LRP1: variants seen among roughly 807,000 people sequenced by gnomAD.
The protein encoded by LRP1 is prolow-density lipoprotein receptor-related protein 1.
Under a neutral mutation model 541.5 loss-of-function variants are expected in LRP1, and 51 were observed. That is an observed-to-expected ratio of 0.09 (90% CI 0.08 to 0.12). The LOEUF is 0.12. LRP1 is among the 10% of genes least tolerant of loss of function. The probability of loss-of-function intolerance (pLI) is 1.00; values close to 1 mark genes in which losing one functional copy is unlikely to be tolerated. For missense variants in LRP1, 3,878 were observed against 6,376.2 expected (o/e 0.61, Z 13.34); for synonymous variants, 2,219 against 2,470.8 (o/e 0.90, Z 3.02).
intron 1 of LRP1, 141 bp downstream of exon 1, chr12:57,129,172 C>G: frequency 1.1e-6 from 1 of 907,358 alleles, no homozygotes; most frequent in Non-Finnish European, 1.7e-6. Flanking sequence ...AGCGGCCCGA[C>G]TGGGGGCGGG....
At position 57,210,334 on chromosome 12, in the gene LRP1, A is replaced by G; in HGVS notation, c.12608A>G (p.Gln4203Arg). 1 of 1,579,454 alleles carries G rather than the reference A, an allele frequency of 6.3e-7. No homozygotes were observed. The highest frequency in any genetic ancestry group is 1.2e-5 in the South Asian group (1 of 84,938). The part of the protein sequence containing the change: ...DAPRPGTCNL[Q>R]CFNGGSCFLN... ...CCCCGGCCTGGAACCTGTAACCTGC[A>G]GTGCTTCAACGGTGGCAGCTGTTTC... is the stretch of plus-strand genomic sequence containing the variant. The change falls in exon 82 of 89, where the codon CAG becomes CGG. Residue 4203 changes from glutamine (Q) to arginine (R), a missense_variant. Physicochemically the swap from Gln to Arg is conservative, Grantham distance 43. Around this residue, in one of 13 missense-constraint regions of LRP1, gnomAD observed 871 missense variants for 1,212.4 expected, o/e 0.72. Coordinates refer to ENST00000243077, the MANE Select transcript of LRP1 (RefSeq NM_002332.3).
intron 1 of LRP1, among the ~76,000 whole-genome samples, chr12:57,132,872 C>T (rs773473752): frequency 2.0e-5 from 3 of 152,166 alleles, no homozygotes; most frequent in Non-Finnish European, 4.4e-5. Flanking sequence ...TGGCTCCCTC[C>T]CCTCTGTTTT....
At position 57,184,985 on chromosome 12, in the gene LRP1, T is replaced by C. The variant is rs2036240010; in HGVS notation, c.6333T>C (p.Ser2111=). The change falls in exon 39 of 89, where the codon AGT becomes AGC. Residue 2111 remains serine (S), a synonymous_variant. Coordinates refer to ENST00000243077, the MANE Select transcript of LRP1 (RefSeq NM_002332.3). The surrounding 1 kb of genome is among the most constrained non-coding windows in gnomAD (Gnocchi z 7.8). The part of the protein sequence containing the change: ...VSVFEDFIYW[S]DRTHANGSIK... The stretch of plus-strand genomic sequence containing the variant: ...TGTTTGAGGATTTCATCTACTGGAG[T>C]GACAGGTGAGGGCTTCTGTCCTGGC... 1.2e-6 allele frequency: 2 copies of C among 1,613,868 alleles called. No individual in the cohort carries two copies. The highest frequency in any genetic ancestry group is 2.7e-5 in the African/African-American group (2 of 74,866).
At chr12:57,134,295 CCTT>C (rs763984429) in intron 1 of LRP1, among the ~76,000 whole-genome samples, 4 of 152,148 alleles carry the variant, frequency 2.6e-5, no homozygotes, top group Admixed American at 6.5e-5. Context: ...CCTGTCTTCC[CCTT>C]CTTCTGTCCC....
In LRP1 at chr12:57,162,132, G is replaced by A. The variant is rs748823969; in HGVS notation, c.2203-185G>A. Among the ~76,000 whole-genome samples the A allele has an allele frequency of 6.6e-5, 10 of 152,184 alleles. No individual in the cohort carries two copies. Among genetic ancestry groups the A allele is most frequent in the African/African-American group, 9.6e-5 (4 of 41,522 alleles). On this transcript the variant is annotated intron_variant, in intron 13 of 88. Coordinates refer to ENST00000243077, the MANE Select transcript of LRP1 (RefSeq NM_002332.3). This position sits in a 1 kb window ranked among gnomAD's most constrained non-coding sequence, Gnocchi z 5.2. Reference sequence around the variant, plus strand: ...TCCTTGCTGGATCACTCGATCACCCGCTGGCTTCAGGATCTACCATCCCAC... The same window carrying A: ...TCCTTGCTGGATCACTCGATCACCCACTGGCTTCAGGATCTACCATCCCAC...
intron 55 of LRP1, among the ~76,000 whole-genome samples, chr12:57,196,627 A>G (rs1225365388): frequency 2.0e-5 from 3 of 152,150 alleles, no homozygotes; most frequent in Admixed American, 6.5e-5. Flanking sequence ...CCAAGGGAGC[A>G]GTGTAGGTGG....
At chr12:57,153,082 C>T (rs1358458118) in intron 6 of LRP1, among the ~76,000 whole-genome samples, 1 of 152,138 alleles carries the variant, frequency 6.6e-6, no homozygotes. Context: ...GCAGGTAGCC[C>T]AAAGATTTCT....
At position 57,195,726 on chromosome 12, in the gene LRP1, G is replaced by A. The variant is rs775472565; in HGVS notation, c.8506G>A (p.Val2836Met). 3.0e-5 allele frequency: 48 copies of A among 1,614,076 alleles called. No individual in the cohort carries two copies. The East Asian group carries it at 8.9e-4, about 30-fold the overall frequency. The stretch of plus-strand genomic sequence containing the variant: ...CCGCCAGTGCATCCCCAAGCACTTC[G>A]TGTGTGACCACGACCGTGACTGTGC... ...QNRQCIPKHF[V>M]CDHDRDCADG... The change falls in exon 53 of 89, where the codon GTG becomes ATG. Residue 2836 changes from valine (V) to methionine (M), a missense_variant. Val to Met is a conservative substitution (Grantham distance 21, BLOSUM62 1). Around this residue, in one of 13 missense-constraint regions of LRP1, gnomAD observed 1,100 missense variants for 1,827.4 expected, o/e 0.60. Transcript: ENST00000243077.
chr12:57,144,315 T>C (rs760954287), intron 4 of LRP1, among the ~76,000 whole-genome samples: 1 of 152,054 alleles, frequency 6.6e-6, no homozygotes, highest in Non-Finnish European at 1.5e-5. Flanking sequence ...TTTTTCTGTG[T>C]TAATATGTAA....
In LRP1 at chr12:57,194,572, C is replaced by T. The variant is rs1439660035; in HGVS notation, c.8069-5C>T. ...CAGGGCCCTCACACCTGCCTCGCCC[C>T]CCAGGTGTGAAACGCCCCAGATGCC... On this transcript the variant is annotated splice_polypyrimidine_tract_variant and splice_region_variant and intron_variant, in intron 49 of 88. Coordinates refer to ENST00000243077, the MANE Select transcript of LRP1 (RefSeq NM_002332.3). 2.5e-6 allele frequency: 4 copies of T among 1,612,650 alleles called. No homozygotes were observed. The highest frequency in any genetic ancestry group is 3.4e-6 in the Non-Finnish European group (4 of 1,179,874).
At chr12:57,141,588 C>A (rs200552457) in intron 3 of LRP1, 77 bp downstream of exon 3, 1 of 1,566,746 alleles carries the variant, frequency 6.4e-7, no homozygotes, top group Non-Finnish European at 8.7e-7. Flanking sequence ...ACTGTCCTGG[C>A]ACCTTCAGTG....
intron 3 of LRP1, among the ~76,000 whole-genome samples, chr12:57,142,828 A>G (rs2035322234): frequency 6.6e-6 from 1 of 152,106 alleles, no homozygotes; most frequent in Admixed American, 6.5e-5. Context: ...GGGGAGGAGA[A>G]AGAATCGCTG....
Position 57,205,427 on chromosome 12 carries a change from G to A in LRP1, c.11412G>A (p.Ala3804=), listed in dbSNP as rs541127618. 193 of 1,610,110 alleles carry A rather than the reference G, an allele frequency of 1.2e-4. 2 individuals carry two copies. In the South Asian group the frequency reaches 1.2e-3, roughly 10 times the overall value. ...CACGCTGCGTGCGCACCGAGAAAGC[G>A]GCCTACTGTGCCTGCCGCTCGGGCT... ...DEARCVRTEK[A]AYCACRSGFH... is the part of the protein sequence containing the mutation. Residue 3804 remains alanine (A), a synonymous_variant, in exon 74 of 89, where the codon GCG becomes GCA. Transcript: ENST00000243077. The surrounding 1 kb of genome is among the most constrained non-coding windows in gnomAD (Gnocchi z 4.6).
intron 11 of LRP1, among the ~76,000 whole-genome samples, chr12:57,159,592 C>T (rs906124043): frequency 6.6e-6 from 1 of 152,178 alleles, no homozygotes; most frequent in Non-Finnish European, 1.5e-5. Flanking sequence ...CCATCTGCCA[C>T]GTGTGGTTTT....
Position 57,156,574 on chromosome 12 carries a change from C to G in LRP1, c.1418-203C>G, listed in dbSNP as rs1250274451. ...GCAACCCTGGAACTCTCTTCCCTGACTACTGAAGCCCCCACTCCAAGAGTT... is the reference window on the plus strand; with the variant it reads ...GCAACCCTGGAACTCTCTTCCCTGAGTACTGAAGCCCCCACTCCAAGAGTT... On this transcript the variant is annotated intron_variant, in intron 9 of 88. Coordinates refer to ENST00000243077, the MANE Select transcript of LRP1 (RefSeq NM_002332.3). This position sits in a 1 kb window ranked among gnomAD's most constrained non-coding sequence, Gnocchi z 5.2. Among the ~76,000 whole-genome samples the G allele has an allele frequency of 6.6e-6, 1 of 152,254 alleles. No individual in the cohort carries two copies. Among genetic ancestry groups the G allele is most frequent in the African/African-American group, 2.4e-5 (1 of 41,468 alleles).
Position 57,178,009 on chromosome 12 carries a change from C to T in LRP1, c.4362-350C>T, listed in dbSNP as rs1224121490. Among the ~76,000 whole-genome samples the T allele has an allele frequency of 3.4e-5, 5 of 146,380 alleles. No individual in the cohort carries two copies. The highest frequency in any genetic ancestry group is 6.9e-5 in the Admixed American group (1 of 14,418). Reference sequence around the variant, plus strand: ...CGTCGCCCAGGCTGGAGTGCAGTGGCGCGATCTCGGCTCACTGCAGGCTCC... The same window carrying T: ...CGTCGCCCAGGCTGGAGTGCAGTGGTGCGATCTCGGCTCACTGCAGGCTCC... On this transcript the variant is annotated intron_variant, in intron 26 of 88. Transcript: ENST00000243077. The surrounding 1 kb of genome is among the most constrained non-coding windows in gnomAD (Gnocchi z 5.8).
chr12:57,182,531 AAAAG>A (rs1025857040), intron 34 of LRP1, among the ~76,000 whole-genome samples: 5 of 151,436 alleles, frequency 3.3e-5, no homozygotes, highest in African/African-American at 9.7e-5. Context: ...AAAAAAAAAA[AAAAG>A]AGCCAGGTGC....
At chr12:57,175,365 C>G (rs1421453717) in intron 22 of LRP1, 95 bp from the exon 23 acceptor site, 1 of 1,481,128 alleles carries the variant, frequency 6.8e-7, no homozygotes, top group Non-Finnish European at 9.3e-7. Flanking sequence ...AGGACTTGGT[C>G]CAGGCTGCCC....
rs2035372844 is a variant in LRP1 at position 57,144,999 on chromosome 12, C to T, written c.476C>T (p.Thr159Ile). 2.5e-6 allele frequency: 4 copies of T among 1,614,144 alleles called. No homozygotes were observed. The East Asian group carries it at 8.9e-5, about 36-fold the overall frequency. ...TTTGATGAGTGCTCAGTGTACGGCA[C>T]CTGCAGCCAGCTATGCACCAACACA... is the stretch of plus-strand genomic sequence containing the variant. The part of the protein sequence containing the change: ...KDFDECSVYG[T>I]CSQLCTNTDG... Residue 159 changes from threonine (T) to isoleucine (I), a missense_variant, in exon 5 of 89, where the codon ACC (threonine) becomes ATC (isoleucine). Physicochemically the swap from Thr to Ile is moderately conservative, Grantham distance 89. Coordinates refer to ENST00000243077, the MANE Select transcript of LRP1 (RefSeq NM_002332.3).
Sources: allele counts gnomAD v4.1 joint callset (sites outside exome capture counted in the v4.1 genomes callset), GRCh38; gene constraint gnomAD v4.1.1; regional missense constraint gnomAD v4.1.1; non-coding constraint Gnocchi (gnomAD v3.1); transcripts MANE v1.5; gene names NCBI Gene and HGNC (gene_info 2026-07-23, HGNC 2026-07-21).